Variants in PAN3 observed in about 807,000 individuals in gnomAD.
PAN3 encodes poly(A) specific ribonuclease subunit PAN3.
A neutral mutation model predicts 96.2 loss-of-function variants in PAN3; 19 were observed. The ratio of observed to expected loss-of-function variants is 0.20; its 90% CI spans 0.14 to 0.29. The LOEUF is 0.29. PAN3 is among the 10% of genes least tolerant of loss of function. The probability of loss-of-function intolerance (pLI) is 1.00; values close to 1 mark genes in which losing one functional copy is unlikely to be tolerated. For synonymous variants in PAN3, 433 were observed against 406.6 expected, an observed-to-expected ratio of 1.06 and a Z score of -0.78; for missense variants, 882 against 1,108.1, an observed-to-expected ratio of 0.80 and a Z score of 2.90.
At chr13:28,290,047 G>A (rs1272456138) in intron 18 of PAN3, among the ~76,000 whole-genome samples, 1 of 152,242 alleles carries the variant, frequency 6.6e-6, no homozygotes, top group African/African-American at 2.4e-5. Flanking sequence ...GTAAGCCATG[G>A]CCTGCAGGCC....
At chr13:28,148,522 G>A (rs1870964190) in intron 1 of PAN3, among the ~76,000 whole-genome samples, 1 of 152,140 alleles carries the variant, frequency 6.6e-6, no homozygotes, top group Non-Finnish European at 1.5e-5. Context: ...AATTAGAAAT[G>A]TAATACATGC....
At chr13:28,163,861 T>C (rs190469901) in intron 1 of PAN3, among the ~76,000 whole-genome samples, 6 of 152,358 alleles carry the variant, frequency 3.9e-5, no homozygotes, top group Admixed American at 2.0e-4. Flanking sequence ...ATTCAGTTTT[T>C]TCCCTAGATG....
chr13:28,251,647 C>T (rs1884728063), intron 6 of PAN3, among the ~76,000 whole-genome samples: 1 of 152,172 alleles, frequency 6.6e-6, no homozygotes. Context: ...GTTCTATGAG[C>T]TGATAGAAAT....
chr13:28,248,399 A>G (rs1884409346), intron 6 of PAN3, among the ~76,000 whole-genome samples: 1 of 151,850 alleles, frequency 6.6e-6, no homozygotes, highest in Admixed American at 6.6e-5. Context: ...TCCTTTCCAA[A>G]CTGTTTGCCT....
In PAN3 at chr13:28,197,285, G is replaced by A; in HGVS notation, c.791G>A (p.Cys264Tyr). 6.2e-7 allele frequency: 1 copy of A among 1,612,326 alleles called. No individual in the cohort carries two copies. Among genetic ancestry groups the A allele is most frequent in the Non-Finnish European group, 8.5e-7 (1 of 1,179,138 alleles). Reference sequence around the variant, plus strand: ...CCTATTGGCTGCCTTGCTGACAGGTGTAAATCAGGAGTACCCATCAATATG... The same window carrying A: ...CCTATTGGCTGCCTTGCTGACAGGTATAAATCAGGAGTACCCATCAATATG... ...KNPIGCLADR[C>Y]KSGVPINMVW... The change falls in exon 5 of 19, where the codon TGT (cysteine) becomes TAT (tyrosine). Residue 264 changes from cysteine (C) to tyrosine (Y), a missense_variant. Cys to Tyr is a radical substitution (Grantham distance 194). Coordinates refer to ENST00000380958, the MANE Select transcript of PAN3 (RefSeq NM_175854.8).
At chr13:28,257,898 C>T (rs922764823) in intron 7 of PAN3, among the ~76,000 whole-genome samples, 6 of 150,914 alleles carry the variant, frequency 4.0e-5, no homozygotes, top group Middle Eastern at 3.4e-3. Flanking sequence ...CTGCAGCCTC[C>T]GCCTCCTGGG....
intron 7 of PAN3, 122 bp downstream of exon 7, chr13:28,256,661 A>G (rs758535275): frequency 3.3e-5 from 35 of 1,075,312 alleles, no homozygotes; most frequent in Admixed American, 5.7e-5. Flanking sequence ...TCATTTTCTA[A>G]CTTAGATGAG....
At chr13:28,140,521 T>C (rs1385140017) in intron 1 of PAN3, among the ~76,000 whole-genome samples, 1 of 152,184 alleles carries the variant, frequency 6.6e-6, no homozygotes, top group Admixed American at 6.5e-5. Flanking sequence ...CTATGAGGAT[T>C]ATTTAATATC....
At chr13:28,167,336 T>C (rs1176918551) in intron 1 of PAN3, among the ~76,000 whole-genome samples, 1 of 151,900 alleles carries the variant, frequency 6.6e-6, no homozygotes, top group Non-Finnish European at 1.5e-5. Flanking sequence ...ATGTTTGTAT[T>C]TTTAGTAGAG....
At chr13:28,154,423 A>G (rs924100161) in intron 1 of PAN3, among the ~76,000 whole-genome samples, 3 of 151,548 alleles carry the variant, frequency 2.0e-5, no homozygotes, top group African/African-American at 4.9e-5. Flanking sequence ...TGCTGTGGCT[A>G]TCTTGGTGCA....
At chr13:28,181,450 T>C (rs1875756491) in intron 4 of PAN3, among the ~76,000 whole-genome samples, 1 of 137,630 alleles carries the variant, frequency 7.3e-6, no homozygotes, top group Admixed American at 8.4e-5. Context: ...AGGTGGAGGC[T>C]GCAGTGAGCC....
chr13:28,202,467 A>G (rs1194177338), intron 5 of PAN3, among the ~76,000 whole-genome samples: 5 of 152,130 alleles, frequency 3.3e-5, no homozygotes, highest in Non-Finnish European at 7.4e-5. Context: ...ATATCCATCC[A>G]TATATACTAC....
intron 1 of PAN3, among the ~76,000 whole-genome samples, chr13:28,146,987 A>G (rs899662917): frequency 6.6e-6 from 1 of 152,182 alleles, no homozygotes; most frequent in Admixed American, 6.5e-5. Context: ...GTCTCAAAAA[A>G]AAAAGGAAAA....
intron 4 of PAN3, among the ~76,000 whole-genome samples, chr13:28,180,079 T>A (rs1566163548): frequency 1.3e-5 from 2 of 152,168 alleles, no homozygotes; most frequent in Non-Finnish European, 2.9e-5. Context: ...TACTGTGATA[T>A]TTGAGGCCCT....
At chr13:28,238,595 A>T (rs758212601) in intron 6 of PAN3, among the ~76,000 whole-genome samples, 41 of 152,194 alleles carry the variant, frequency 2.7e-4, no homozygotes, top group Non-Finnish European at 5.3e-4. Flanking sequence ...TAATTAGGAT[A>T]GATTTTCATT....
intron 4 of PAN3, among the ~76,000 whole-genome samples, chr13:28,194,612 T>C (rs1877781474): frequency 6.6e-6 from 1 of 151,278 alleles, no homozygotes; most frequent in Admixed American, 6.6e-5. Context: ...GGACTACAGA[T>C]GCACACTGCT....
chr13:28,144,018 A>G (rs1271438235), intron 1 of PAN3, among the ~76,000 whole-genome samples: 1 of 151,612 alleles, frequency 6.6e-6, no homozygotes, highest in African/African-American at 2.4e-5. Flanking sequence ...TAATATACTT[A>G]GTATATCATG....
chr13:28,271,199 A>G (rs1886594335), intron 13 of PAN3, among the ~76,000 whole-genome samples: 1 of 152,212 alleles, frequency 6.6e-6, no homozygotes, highest in Admixed American at 6.5e-5. Context: ...GAGGACTTAC[A>G]AAACACAGCT....
intron 1 of PAN3, among the ~76,000 whole-genome samples, chr13:28,153,227 A>G (rs1048141983): frequency 6.7e-6 from 1 of 148,966 alleles, no homozygotes; most frequent in African/African-American, 2.5e-5. Context: ...ACTATGTATA[A>G]TACGCTTTTT....
Sources: allele counts gnomAD v4.1 joint callset (sites outside exome capture counted in the v4.1 genomes callset), GRCh38; gene constraint gnomAD v4.1.1; transcripts MANE v1.5; gene names NCBI Gene and HGNC (gene_info 2026-07-23, HGNC 2026-07-21).